MAF: variants seen among roughly 807,000 people sequenced by gnomAD.
MAF encodes the protein MAF bZIP transcription factor.
In MAF, 10 loss-of-function variants were observed where a neutral mutation model predicts 22.0. The ratio of observed to expected loss-of-function variants is 0.45; its 90% CI spans 0.28 to 0.77. The LOEUF (loss-of-function observed/expected upper bound fraction) is 0.77. Ranked by LOEUF, MAF falls within the 30% of genes least tolerant of loss-of-function variation. MAF has a pLI of 0.12. For synonymous variants in MAF, 337 were observed against 255.8 expected (o/e 1.32, Z -3.03); for missense variants, 544 against 548.4 (o/e 0.99, Z 0.08).
the MAF span, among the ~76,000 whole-genome samples, chr16:79,557,313 G>T: frequency 6.6e-6 from 1 of 152,036 alleles, no homozygotes; most frequent in African/African-American, 2.4e-5. Flanking sequence ...AAGATCAGCA[G>T]TTTGAGGGTG....
At chr16:79,247,748 A>C in the MAF span, among the ~76,000 whole-genome samples, 2 of 152,148 alleles carry the variant, frequency 1.3e-5, no homozygotes, top group Non-Finnish European at 2.9e-5. Flanking sequence ...TTTTTTGGAC[A>C]TGCTTGAACT....
the MAF span, among the ~76,000 whole-genome samples, chr16:79,303,540 G>T: frequency 7.3e-3 from 1,104 of 152,202 alleles, 13 homozygotes; most frequent in African/African-American, 0.025. Context: ...TGTTTCTCAG[G>T]GCTTCTGGTA....
chr16:79,232,056 G>A, the MAF span, among the ~76,000 whole-genome samples: 1 of 151,904 alleles, frequency 6.6e-6, no homozygotes, highest in Non-Finnish European at 1.5e-5. Flanking sequence ...ACAGGAGGTG[G>A]AGCTCAAGTG....
At chr16:79,414,085 G>A in the MAF span, among the ~76,000 whole-genome samples, 11 of 152,274 alleles carry the variant, frequency 7.2e-5, no homozygotes, top group South Asian at 2.3e-3. Context: ...CCAGCTTGGT[G>A]GTTGAGGGTG....
the MAF span, among the ~76,000 whole-genome samples, chr16:79,304,631 T>C: frequency 6.6e-6 from 1 of 152,110 alleles, no homozygotes; most frequent in East Asian, 1.9e-4. Flanking sequence ...GTATGAAGAT[T>C]ATGAAAAATG....
At chr16:79,539,416 A>G in the MAF span, among the ~76,000 whole-genome samples, 4 of 152,180 alleles carry the variant, frequency 2.6e-5, no homozygotes, top group Non-Finnish European at 5.9e-5. Context: ...AGGCAAGAGA[A>G]TCACTCGAAC....
At chr16:79,462,016 A>G in the MAF span, among the ~76,000 whole-genome samples, 10 of 152,090 alleles carry the variant, frequency 6.6e-5, no homozygotes, top group African/African-American at 2.4e-4. Flanking sequence ...TTTCCCTGCA[A>G]ATGGAGTCTC....
chr16:79,583,464 C>T (rs1323750605), downstream of MAF, among the ~76,000 whole-genome samples: 1 of 152,132 alleles, frequency 6.6e-6, no homozygotes, highest in Non-Finnish European at 1.5e-5. Flanking sequence ...AAATGGGCCT[C>T]TCCCCTAGGT....
At chr16:79,212,376 G>T in the MAF span, 1 of 509,756 alleles carries the variant, frequency 2.0e-6, no homozygotes. Flanking sequence ...AGAATACGCA[G>T]AACTACCAGG....
chr16:79,468,740 G>T, the MAF span, among the ~76,000 whole-genome samples: 2 of 152,148 alleles, frequency 1.3e-5, no homozygotes, highest in African/African-American at 4.8e-5. Context: ...AGAGGAAGGG[G>T]GTGGCTGAGG....
At chr16:79,442,533 G>A in the MAF span, among the ~76,000 whole-genome samples, 1 of 151,944 alleles carries the variant, frequency 6.6e-6, no homozygotes, top group Admixed American at 6.6e-5. Flanking sequence ...CACTTCACCT[G>A]GCTGAATATT....
chr16:79,509,711 C>G, the MAF span, among the ~76,000 whole-genome samples: 1 of 152,228 alleles, frequency 6.6e-6, no homozygotes, highest in African/African-American at 2.4e-5. Context: ...GGCATTGCCT[C>G]TCCCTCAATT....
chr16:79,344,577 C>T, the MAF span, among the ~76,000 whole-genome samples: 1 of 152,170 alleles, frequency 6.6e-6, no homozygotes, highest in East Asian at 1.9e-4. Context: ...CAGACACATT[C>T]AATCAAGTCT....
chr16:79,392,144 G>T, the MAF span, among the ~76,000 whole-genome samples: 1 of 149,110 alleles, frequency 6.7e-6, no homozygotes, highest in Non-Finnish European at 1.5e-5. Flanking sequence ...ACTGGGGAGG[G>T]GGAGAGAGAG....
At chr16:79,388,943 C>G in the MAF span, among the ~76,000 whole-genome samples, 1 of 152,226 alleles carries the variant, frequency 6.6e-6, no homozygotes, top group South Asian at 2.1e-4. Flanking sequence ...GTGATTGAGA[C>G]TGGTTTTATT....
the MAF span, among the ~76,000 whole-genome samples, chr16:79,439,926 GTTGAT>G: frequency 1.3e-5 from 2 of 152,166 alleles, no homozygotes; most frequent in African/African-American, 2.4e-5. Flanking sequence ...TGCTGCTGTT[GTTGAT>G]TTGCTTTTCT....
downstream of MAF, among the ~76,000 whole-genome samples, chr16:79,585,312 A>G (rs1056224674): frequency 2.6e-5 from 4 of 152,140 alleles, no homozygotes; most frequent in Admixed American, 6.5e-5. Flanking sequence ...CTTGTATTGA[A>G]GTGGGGAGGG....
chr16:79,363,890 G>C, the MAF span, among the ~76,000 whole-genome samples: 2 of 152,174 alleles, frequency 1.3e-5, no homozygotes, highest in African/African-American at 4.8e-5. Context: ...AAATAGCTCA[G>C]TATAGTTCAG....
At chr16:79,442,061 G>C in the MAF span, among the ~76,000 whole-genome samples, 1 of 152,154 alleles carries the variant, frequency 6.6e-6, no homozygotes, top group East Asian at 1.9e-4. Flanking sequence ...GAATGGGATG[G>C]GCTATCCCTC....
Sources: gnomAD v4.1 joint callset for allele counts (sites outside exome capture counted in the v4.1 genomes callset) on GRCh38, gnomAD v4.1.1 for gene constraint, MANE v1.5 for transcripts, NCBI Gene and HGNC (gene_info 2026-07-23, HGNC 2026-07-21) for gene names.